The following ALDH1L2 variants were observed in gnomAD, a reference collection of about 807,000 sequenced individuals.
The protein encoded by ALDH1L2 is mitochondrial 10-formyltetrahydrofolate dehydrogenase.
ALDH1L2 carries 91 observed loss-of-function variants against 111.0 expected under a neutral mutation model. The observed-to-expected ratio is 0.82, with a 90% CI of 0.69 to 0.98. ALDH1L2 has a LOEUF of 0.98. Ranked by LOEUF, ALDH1L2 falls within the 50% of genes least tolerant of loss-of-function variation. ALDH1L2 has a pLI of 0.00. For missense variants in ALDH1L2, 995 were observed against 1,126.8 expected (o/e 0.88, Z 1.67); for synonymous variants, 374 against 392.6 (o/e 0.95, Z 0.56).
At chr12:105,035,378 C>T (rs1038180909) in intron 18 of ALDH1L2, among the ~76,000 whole-genome samples, 9 of 152,080 alleles carry the variant, frequency 5.9e-5, no homozygotes, top group African/African-American at 1.4e-4. Context: ...GGCTGGAGTG[C>T]AGTGGCGTGA....
In ALDH1L2 at chr12:105,052,850, C is replaced by T. The variant is rs1372382943; in HGVS notation, c.1369G>A (p.Gly457Arg). 2 of 1,614,002 alleles carry T rather than the reference C, an allele frequency of 1.2e-6. No individual in the cohort carries two copies. The highest frequency in any genetic ancestry group is 2.7e-5 in the African/African-American group (2 of 74,932). Reference protein sequence around the residue: ...INGQFTDADDGKTYDTINPTD... With the variant: ...INGQFTDADDRKTYDTINPTD... ...GGGTTGATAGTGTCGTAAGTCTTTC[C>T]ATCGTCTGCATCTGTGAACTGTCCA... The change falls in exon 11 of 23, where the codon GGA becomes AGA. Residue 457 changes from glycine (G) to arginine (R), a missense_variant. Coordinates refer to ENST00000258494, the MANE Select transcript of ALDH1L2 (RefSeq NM_001034173.4).
intron 15 of ALDH1L2, among the ~76,000 whole-genome samples, chr12:105,042,136 C>T (rs1875574950): frequency 6.6e-6 from 1 of 152,094 alleles, no homozygotes. Flanking sequence ...ATACCTATAT[C>T]CATTTCTTTA....
chr12:105,083,006 C>T (rs1261614335), intron 1 of ALDH1L2, among the ~76,000 whole-genome samples: 1 of 152,194 alleles, frequency 6.6e-6, no homozygotes, highest in Non-Finnish European at 1.5e-5. Flanking sequence ...ACAGTTAGAC[C>T]CTGATCACGC....
In ALDH1L2 at chr12:105,026,722, G is replaced by A. The variant is rs574294340; in HGVS notation, c.2539C>T (p.Arg847Ter). Reference protein sequence around the residue: ...QNGDIDGVLQRANSTEYGLAS... With the variant: ...QNGDIDGVLQ ...AAACCATACTCTGTACTATTTGCTC[G>A]CTGCAACACTCCATCGATGTCCCTG... Residue 847 changes from arginine (R) to a stop codon, truncating the protein, a stop_gained, in exon 22 of 23, where the codon CGA becomes TGA. Transcript: ENST00000258494. LOFTEE classifies it high-confidence loss of function. The A allele has an allele frequency of 1.3e-5, 21 of 1,614,094 alleles. No homozygotes were observed. Among genetic ancestry groups the A allele is most frequent in the African/African-American group, 1.2e-4 (9 of 75,026 alleles).
At chr12:105,039,298 A>C (rs912734887) in intron 17 of ALDH1L2, among the ~76,000 whole-genome samples, 2 of 148,920 alleles carry the variant, frequency 1.3e-5, no homozygotes, top group Non-Finnish European at 3.0e-5. Flanking sequence ...TATTTTGGAC[A>C]TTTAGATTGC....
At chr12:105,077,332 G>A (rs1295177314) in intron 1 of ALDH1L2, among the ~76,000 whole-genome samples, 1 of 150,738 alleles carries the variant, frequency 6.6e-6, no homozygotes. Context: ...GTGCAATGGC[G>A]CCATCTCGGC....
In ALDH1L2 at chr12:105,022,269, C is replaced by T. The variant is rs961426933; in HGVS notation, c.*2155G>A. 3.9e-5 allele frequency: 6 copies of T among 152,116 alleles called. No individual in the cohort carries two copies. Among genetic ancestry groups the T allele is most frequent in the African/African-American group, 1.4e-4 (6 of 41,408 alleles). The allele number at this position is 152,116 out of a possible 1,614,324, so 9.4% of individuals were successfully genotyped here. ...AGAAAGGAGTTCTTAATCTGGGGCCCAAGCATGGCCTTTGGGAGGTCTGTG... is the reference window on the plus strand; with the variant it reads ...AGAAAGGAGTTCTTAATCTGGGGCCTAAGCATGGCCTTTGGGAGGTCTGTG... On this transcript the variant is annotated 3_prime_UTR_variant, in exon 23 of 23. Transcript: ENST00000258494.
Position 105,031,880 on chromosome 12 carries a change from G to A in ALDH1L2, c.2299C>T (p.His767Tyr). The change falls in exon 20 of 23, where the codon CAT (histidine) becomes TAT (tyrosine). Residue 767 changes from histidine (H) to tyrosine (Y), a missense_variant. Transcript: ENST00000258494. Reference sequence around the variant, plus strand: ...TGAGCCTTATGATTTTGGGGCCCATGATCAGTGGATCTGTCAAGTGGATCA... The same window carrying A: ...TGAGCCTTATGATTTTGGGGCCCATAATCAGTGGATCTGTCAAGTGGATCA... ...IGDPLDRSTD[H>Y]GPQNHKAHLE... The A allele has an allele frequency of 1.2e-6, 2 of 1,614,136 alleles. No homozygotes were observed. The highest frequency in any genetic ancestry group is 2.2e-5 in the South Asian group (2 of 91,078).
intron 19 of ALDH1L2, among the ~76,000 whole-genome samples, chr12:105,032,293 T>G (rs1874754733): frequency 6.6e-6 from 1 of 151,432 alleles, no homozygotes; most frequent in African/African-American, 2.4e-5. Context: ...TTCTCATGTC[T>G]CAGCCTCCTG....
In ALDH1L2 at chr12:105,073,155, C is replaced by T. The variant is rs542539618; in HGVS notation, c.193+706G>A. Reference sequence around the variant, plus strand: ...AGGCATAGTGTGAGCACTTTGTGTACATTAATCTAATTTAATCCTCATAGC... The same window carrying T: ...AGGCATAGTGTGAGCACTTTGTGTATATTAATCTAATTTAATCCTCATAGC... On this transcript the variant is annotated intron_variant, in intron 2 of 22. Transcript: ENST00000258494. Among the ~76,000 whole-genome samples, 8 of 152,300 alleles carry T rather than the reference C, an allele frequency of 5.3e-5. No individual in the cohort carries two copies. In the South Asian group the frequency reaches 1.7e-3, roughly 32 times the overall value.
intron 18 of ALDH1L2, 131 bp from the exon 19 acceptor site, chr12:105,034,529 T>C (rs1429434947): frequency 1.4e-6 from 1 of 707,320 alleles, no homozygotes; most frequent in East Asian, 3.0e-5. Flanking sequence ...GACAATCCTC[T>C]TGGCCTTGTT....
At chr12:105,084,063 A>C (rs1296740932) in intron 1 of ALDH1L2, among the ~76,000 whole-genome samples, 1 of 152,112 alleles carries the variant, frequency 6.6e-6, no homozygotes, top group Non-Finnish European at 1.5e-5. Context: ...AAGGAAAGGA[A>C]GCAGACTCTG....
At chr12:105,063,488 AAAG>A (rs1377410534) in intron 6 of ALDH1L2, among the ~76,000 whole-genome samples, 22 of 149,522 alleles carry the variant, frequency 1.5e-4, no homozygotes, top group South Asian at 2.1e-4. Flanking sequence ...AGAAAAAAAA[AAAG>A]AAAGAAAGAA....
chr12:105,039,786 G>C lies in ALDH1L2; in HGVS notation c.1972C>G (p.Leu658Val). The C allele has an allele frequency of 2.5e-6, 4 of 1,614,058 alleles. No individual in the cohort carries two copies. Among genetic ancestry groups the C allele is most frequent in the Non-Finnish European group, 3.4e-6 (4 of 1,179,970 alleles). Residue 658 changes from leucine to valine, a missense_variant, in exon 17 of 23, where the codon CTG becomes GTG. Leu to Val is a conservative substitution (Grantham distance 32). Coordinates refer to ENST00000258494, the MANE Select transcript of ALDH1L2 (RefSeq NM_001034173.4). ...PGSGGIAGQR[L>V]SEHPDIRKLG... is the part of the protein sequence containing the mutation. ...TTGCGGATGTCAGGATGTTCAGACA[G>C]ACGTTGTCCTGCTATGCCACCTGTA...
Position 105,031,864 on chromosome 12 carries a change from T to C in ALDH1L2, c.2315A>G (p.His772Arg). 6.2e-7 allele frequency: 1 copy of C among 1,614,206 alleles called. No homozygotes were observed. Among genetic ancestry groups the C allele is most frequent in the Non-Finnish European group, 8.5e-7 (1 of 1,180,022 alleles). The change falls in exon 20 of 23, where the codon CAT becomes CGT. Residue 772 changes from histidine (H) to arginine (R), a missense_variant. Physicochemically the swap from His to Arg is conservative, Grantham distance 29 (BLOSUM62 0). Coordinates refer to ENST00000258494, the MANE Select transcript of ALDH1L2 (RefSeq NM_001034173.4). Reference sequence around the variant, plus strand: ...CAGCAGCTTTTCCAGATGAGCCTTATGATTTTGGGGCCCATGATCAGTGGA... The same window carrying C: ...CAGCAGCTTTTCCAGATGAGCCTTACGATTTTGGGGCCCATGATCAGTGGA... ...DRSTDHGPQN[H>R]KAHLEKLLQY...
intron 19 of ALDH1L2, among the ~76,000 whole-genome samples, chr12:105,032,794 T>TA (rs11415108): frequency 0.23 from 34,454 of 152,142 alleles, 5,387 homozygotes; most frequent in East Asian, 0.5. Flanking sequence ...ATCACATACT[T>TA]ACACTGTTCA....
At position 105,058,062 on chromosome 12, in the gene ALDH1L2, G is replaced by A; in HGVS notation, c.1287+11C>T. On this transcript the variant is annotated intron_variant, in intron 10 of 22. Coordinates refer to ENST00000258494, the MANE Select transcript of ALDH1L2 (RefSeq NM_001034173.4). ...ACTGATTTAGGGTTGCAACATCAAG[G>A]AAAAGCTTACATAATCTACAACCAG... 2 of 1,609,012 alleles carry A rather than the reference G, an allele frequency of 1.2e-6. No individual in the cohort carries two copies. Among genetic ancestry groups the A allele is most frequent in the Non-Finnish European group, 1.7e-6 (2 of 1,178,096 alleles).
intron 6 of ALDH1L2, among the ~76,000 whole-genome samples, chr12:105,065,019 T>C (rs10861342): frequency 0.096 from 14,564 of 152,182 alleles, 818 homozygotes; most frequent in East Asian, 0.24. Context: ...GCGTTTATCT[T>C]ACTGCACTGA....
chr12:105,031,907 C>G lies in ALDH1L2; in HGVS notation c.2272G>C (p.Gly758Arg), dbSNP rs1874721295. 1.9e-6 allele frequency: 3 copies of G among 1,613,866 alleles called. No individual in the cohort carries two copies. The highest frequency in any genetic ancestry group is 2.7e-5 in the African/African-American group (2 of 74,854). The change falls in exon 20 of 23, where the codon GGT becomes CGT. Residue 758 changes from glycine (G) to arginine (R), a missense_variant. Coordinates refer to ENST00000258494, the MANE Select transcript of ALDH1L2 (RefSeq NM_001034173.4). ...VVEEIKKMKI[G>R]DPLDRSTDHG... ...TCAGTGGATCTGTCAAGTGGATCACCAATTTTCATCTTTTTAATTTCTTCT... is the reference window on the plus strand; with the variant it reads ...TCAGTGGATCTGTCAAGTGGATCACGAATTTTCATCTTTTTAATTTCTTCT...
Sources: gnomAD v4.1 joint callset for allele counts (sites outside exome capture counted in the v4.1 genomes callset) on GRCh38, gnomAD v4.1.1 for gene constraint, MANE v1.5 for transcripts, NCBI Gene and HGNC (gene_info 2026-07-23, HGNC 2026-07-21) for gene names.